The following SCCPDH variants were observed in gnomAD, a reference collection of about 807,000 sequenced individuals.
SCCPDH encodes the protein saccharopine dehydrogenase (putative).
SCCPDH carries 34 observed loss-of-function variants against 51.5 expected under a neutral mutation model. The observed-to-expected ratio is 0.66, with a 90% CI of 0.50 to 0.88. The LOEUF (loss-of-function observed/expected upper bound fraction) is 0.88. SCCPDH is among the 40% of genes least tolerant of loss of function. SCCPDH has a pLI of 0.00. For synonymous variants in SCCPDH, 187 were observed against 191.3 expected (o/e 0.98, Z 0.19); for missense variants, 464 against 527.1 (o/e 0.88, Z 1.17).
chr1:246,737,424 A>G (rs1228869995), intron 3 of SCCPDH, among the ~76,000 whole-genome samples: 1 of 151,912 alleles, frequency 6.6e-6, no homozygotes, highest in East Asian at 1.9e-4. Context: ...CAAGGCTGCA[A>G]TGAGCTATGA....
chr1:246,744,421 C>T lies in SCCPDH; in HGVS notation c.564+296C>T, dbSNP rs142963823. 0.013 allele frequency among the ~76,000 whole-genome samples: 1,997 copies of T among 152,116 alleles called. 22 individuals carry two copies. Among genetic ancestry groups the T allele is most frequent in the Non-Finnish European group, 0.022 (1,494 of 68,000 alleles). On this transcript the variant is annotated intron_variant, in intron 5 of 11. Transcript: ENST00000366510. Reference sequence around the variant, plus strand: ...GCAACCTCTGCCTCGTGGGTTCAAGCGATTCTCCTGCCTCAGCCTCCCAAG... The same window carrying T: ...GCAACCTCTGCCTCGTGGGTTCAAGTGATTCTCCTGCCTCAGCCTCCCAAG...
In SCCPDH at chr1:246,744,130, GT is replaced by G; in HGVS notation, c.564+11del. The G allele has an allele frequency of 1.9e-6, 3 of 1,579,158 alleles. No homozygotes were observed. The highest frequency in any genetic ancestry group is 2.6e-6 in the Non-Finnish European group (3 of 1,151,790). On this transcript the variant is annotated splice_donor_region_variant and intron_variant, in intron 5 of 11. Coordinates refer to ENST00000366510, the MANE Select transcript of SCCPDH (RefSeq NM_016002.3). Reference sequence around the variant, plus strand: ...ACTATACATTCAGGACCTGAGGTTGGTTTTTTGGTTTGTCTTGTGTTGTTTC... The same window carrying G: ...ACTATACATTCAGGACCTGAGGTTGGTTTTTGGTTTGTCTTGTGTTGTTTC...
chr1:246,735,554 C>T (rs903583271), intron 2 of SCCPDH, among the ~76,000 whole-genome samples: 3 of 152,174 alleles, frequency 2.0e-5, no homozygotes, highest in Admixed American at 6.6e-5. Context: ...GTTTCTGAGA[C>T]GGAGTCTCAC....
chr1:246,743,919 A>G (rs1014026476), intron 4 of SCCPDH, among the ~76,000 whole-genome samples, 157 bp from the exon 5 acceptor site: 2 of 152,252 alleles, frequency 1.3e-5, no homozygotes, highest in African/African-American at 2.4e-5. Context: ...TCTGTGTACA[A>G]AAACATAATA....
At chr1:246,735,921 T>C (rs1668559959) in intron 2 of SCCPDH, 54 bp from the exon 3 acceptor site, 1 of 1,138,382 alleles carries the variant, frequency 8.8e-7, no homozygotes, top group African/African-American at 1.5e-5. Context: ...TGGCATTTTA[T>C]TCATTTAAAC....
At chr1:246,766,401 A>T (rs905327367) in intron 11 of SCCPDH, among the ~76,000 whole-genome samples, 1 of 152,182 alleles carries the variant, frequency 6.6e-6, no homozygotes, top group African/African-American at 2.4e-5. Flanking sequence ...CCCTTTATAA[A>T]GATACCTCAA....
At chr1:246,741,521 C>A (rs1668676107) in intron 4 of SCCPDH, among the ~76,000 whole-genome samples, 1 of 152,002 alleles carries the variant, frequency 6.6e-6, no homozygotes, top group African/African-American at 2.4e-5. Context: ...TGGTCTTGAA[C>A]TCCTGGCCTC....
chr1:246,741,765 T>G (rs1011790370), intron 4 of SCCPDH, among the ~76,000 whole-genome samples: 6 of 152,128 alleles, frequency 3.9e-5, no homozygotes, highest in African/African-American at 1.4e-4. Context: ...TAGAATAGTT[T>G]CCTACATAAT....
chr1:246,753,892 G>A (rs941454726), intron 5 of SCCPDH, among the ~76,000 whole-genome samples: 1 of 151,928 alleles, frequency 6.6e-6, no homozygotes, highest in South Asian at 2.1e-4. Flanking sequence ...ATAGGAGAAG[G>A]GTCTGGGACA....
At chr1:246,753,081 G>T (rs1016115582) in intron 5 of SCCPDH, among the ~76,000 whole-genome samples, 7 of 145,560 alleles carry the variant, frequency 4.8e-5, no homozygotes, top group East Asian at 4.0e-4. Flanking sequence ...CTCTCTCCTT[G>T]ACTCCTTCTG....
intron 1 of SCCPDH, among the ~76,000 whole-genome samples, chr1:246,725,159 C>T (rs1047839976): frequency 9.2e-5 from 14 of 152,116 alleles, no homozygotes; most frequent in African/African-American, 2.9e-4. Context: ...CAGCAGTCTT[C>T]CTCTTCAGAG....
At chr1:246,727,642 T>G (rs2102978976) in intron 2 of SCCPDH, among the ~76,000 whole-genome samples, 1 of 152,232 alleles carries the variant, frequency 6.6e-6, no homozygotes, top group South Asian at 2.1e-4. Context: ...TCAGGGAAGG[T>G]TTCTGTGAGG....
chr1:246,763,601 G>GT (rs367682594), intron 9 of SCCPDH, among the ~76,000 whole-genome samples: 54 of 152,232 alleles, frequency 3.5e-4, no homozygotes, highest in African/African-American at 1.2e-3. Flanking sequence ...AGTTATGCCT[G>GT]TATGTTTTAG....
chr1:246,753,029 TTCTC>T (rs999006458), intron 5 of SCCPDH, among the ~76,000 whole-genome samples: 29 of 151,312 alleles, frequency 1.9e-4, no homozygotes, highest in Admixed American at 4.6e-4. Flanking sequence ...CTCTGTCTCT[TTCTC>T]TCTCTCTCTT....
At chr1:246,744,371 T>G (rs1668726073) in intron 5 of SCCPDH, among the ~76,000 whole-genome samples, 1 of 152,138 alleles carries the variant, frequency 6.6e-6, no homozygotes, top group South Asian at 2.1e-4. Context: ...CAGGCTGGAG[T>G]GCAATGGCAT....
Position 246,740,262 on chromosome 1 carries a change from G to T in SCCPDH, c.475G>T (p.Ala159Ser). The T allele has an allele frequency of 6.2e-7, 1 of 1,608,568 alleles. No individual in the cohort carries two copies. Among genetic ancestry groups the T allele is most frequent in the East Asian group, 2.2e-5 (1 of 44,812 alleles). The change falls in exon 4 of 12, where the codon GCA (alanine) becomes TCA (serine). Residue 159 changes from alanine (A) to serine (S), a missense_variant. Physicochemically the swap from Ala to Ser is moderately conservative, Grantham distance 99. Coordinates refer to ENST00000366510, the MANE Select transcript of SCCPDH (RefSeq NM_016002.3). ...IGSSGFDSIP[A>S]DLGVIYTRNK... Reference sequence around the variant, plus strand: ...AAGCAGCGGCTTTGACTCCATTCCAGCAGATCTGGGAGTAATATATACCAG... The same window carrying T: ...AAGCAGCGGCTTTGACTCCATTCCATCAGATCTGGGAGTAATATATACCAG...
At chr1:246,724,864 G>A (rs1668363684) in intron 1 of SCCPDH, among the ~76,000 whole-genome samples, 1 of 151,628 alleles carries the variant, frequency 6.6e-6, no homozygotes, top group South Asian at 2.1e-4. Flanking sequence ...CCTCTTTCCC[G>A]CTTTTTGCAT....
chr1:246,745,508 T>C (rs1284942202), intron 5 of SCCPDH, among the ~76,000 whole-genome samples: 1 of 152,210 alleles, frequency 6.6e-6, no homozygotes, highest in Non-Finnish European at 1.5e-5. Flanking sequence ...ATTCTAAGAA[T>C]GGCGAATACA....
intron 11 of SCCPDH, 136 bp from the exon 12 acceptor site, chr1:246,767,059 A>G (rs908782876): frequency 1.7e-5 from 9 of 536,900 alleles, no homozygotes; most frequent in Non-Finnish European, 1.6e-5. Context: ...GATTTTAGGA[A>G]GGAATCAAAG....
Sources: allele counts gnomAD v4.1 joint callset (sites outside exome capture counted in the v4.1 genomes callset), GRCh38; gene constraint gnomAD v4.1.1; transcripts MANE v1.5; gene names NCBI Gene and HGNC (gene_info 2026-07-23, HGNC 2026-07-21).